Variants in KANK1 observed in about 807,000 individuals in gnomAD.
KANK1 encodes the protein KN motif and ankyrin repeat domains 1.
KANK1 carries 109 observed loss-of-function variants against 106.2 expected under a neutral mutation model. The ratio of observed to expected loss-of-function variants is 1.03; its 90% confidence interval spans 0.88 to 1.20. The LOEUF (loss-of-function observed/expected upper bound fraction) is 1.20, where lower values mean the gene tolerates loss of function less well. KANK1 is among the 50% of genes most tolerant of loss of function. The pLI, the probability that KANK1 is intolerant of heterozygous loss-of-function variation, is 0.00. For synonymous variants in KANK1, 873 were observed against 652.2 expected (o/e 1.34, Z -5.16); for missense variants, 2,399 against 1,710.7 (o/e 1.40, Z -7.10).
intron 1 of KANK1, among the ~76,000 whole-genome samples, chr9:575,474 C>G (rs1052525927): frequency 4.1e-5 from 6 of 145,380 alleles, no homozygotes; most frequent in African/African-American, 1.3e-4. Context: ...TTGAGACCAG[C>G]TTGGGCAACA....
chr9:536,345 A>G (rs763347930), intron 1 of KANK1, among the ~76,000 whole-genome samples: 13 of 152,162 alleles, frequency 8.5e-5, no homozygotes, highest in Non-Finnish European at 1.5e-4. Flanking sequence ...GTCTGAGAAA[A>G]AAAATACACA....
At chr9:698,166 T>C (rs1386529207) in intron 2 of KANK1, among the ~76,000 whole-genome samples, 3 of 152,328 alleles carry the variant, frequency 2.0e-5, no homozygotes, top group Admixed American at 6.5e-5. Flanking sequence ...GGAAACAGCG[T>C]GCTGCCCGCC....
chr9:739,671 G>A (rs1468677565), intron 8 of KANK1, among the ~76,000 whole-genome samples: 1 of 152,178 alleles, frequency 6.6e-6, no homozygotes, highest in East Asian at 1.9e-4. Flanking sequence ...CTCCTGACAG[G>A]AACAGCTTAG....
chr9:659,417 G>A (rs976390410), intron 1 of KANK1, among the ~76,000 whole-genome samples: 9 of 152,174 alleles, frequency 5.9e-5, no homozygotes, highest in Non-Finnish European at 2.9e-5. Flanking sequence ...TCCTGCTTCA[G>A]TAGGTCTGGG....
intron 1 of KANK1, among the ~76,000 whole-genome samples, chr9:617,313 C>CT (rs994814566): frequency 1.3e-5 from 2 of 152,054 alleles, no homozygotes; most frequent in Non-Finnish European, 2.9e-5. Flanking sequence ...CCAGACATGT[C>CT]TTTTGTCTTC....
intron 2 of KANK1, among the ~76,000 whole-genome samples, chr9:690,925 T>C (rs1353988077): frequency 3.3e-5 from 5 of 152,224 alleles, no homozygotes; most frequent in Admixed American, 6.5e-5. Context: ...ACTCTCCGCC[T>C]GTCAGAGGCC....
intron 3 of KANK1, among the ~76,000 whole-genome samples, chr9:721,099 C>A (rs1253978942): frequency 6.6e-6 from 1 of 152,174 alleles, no homozygotes; most frequent in Non-Finnish European, 1.5e-5. Flanking sequence ...ATTACCAAGG[C>A]TTTGACTGGA....
At chr9:593,372 A>G (rs940953587) in intron 1 of KANK1, among the ~76,000 whole-genome samples, 1 of 151,724 alleles carries the variant, frequency 6.6e-6, no homozygotes, top group Non-Finnish European at 1.5e-5. Flanking sequence ...TCCTATTCCT[A>G]ATATAACCAC....
chr9:716,200 A>G (rs143801672), intron 3 of KANK1, among the ~76,000 whole-genome samples: 1,841 of 152,316 alleles, frequency 0.012, 40 homozygotes, highest in African/African-American at 0.041. Flanking sequence ...CTGAAGCTAG[A>G]CAGTGTGGGT....
At chr9:652,048 A>G (rs1325386224) in intron 1 of KANK1, among the ~76,000 whole-genome samples, 1 of 152,212 alleles carries the variant, frequency 6.6e-6, no homozygotes, top group Non-Finnish European at 1.5e-5. Context: ...AATATAAATT[A>G]ATACCTGCTT....
rs776359761 is a variant in KANK1 at position 712,897 on chromosome 9, A to G, written c.2131A>G (p.Thr711Ala). ...TTTGGACAAGCAGACCAGCACCCAG[A>G]CTGTGGAGACGCGGACAGTAGCTGT... ...STLDKQTSTQ[T>A]VETRTVAVGE... Residue 711 changes from threonine (T) to alanine (A), a missense_variant, in exon 3 of 12, where the codon ACT becomes GCT. Transcript: ENST00000382297. The G allele has an allele frequency of 2.5e-6, 4 of 1,614,016 alleles. No individual in the cohort carries two copies. The highest frequency in any genetic ancestry group is 1.3e-5 in the African/African-American group (1 of 74,994).
intron 1 of KANK1, among the ~76,000 whole-genome samples, chr9:575,359 C>T (rs955261460): frequency 1.3e-5 from 2 of 152,182 alleles, no homozygotes; most frequent in African/African-American, 2.4e-5. Context: ...CTTCATGAGA[C>T]TTCTGTTTTA....
intron 1 of KANK1, among the ~76,000 whole-genome samples, chr9:575,907 C>T (rs572393680): frequency 6.6e-6 from 1 of 152,264 alleles, no homozygotes; most frequent in South Asian, 2.1e-4. Context: ...CCTATAATCC[C>T]AGCCACTTGA....
intron 2 of KANK1, among the ~76,000 whole-genome samples, chr9:701,074 A>T (rs1411392362): frequency 1.3e-5 from 2 of 152,054 alleles, no homozygotes; most frequent in Admixed American, 1.3e-4. Flanking sequence ...TGAGCACTTG[A>T]GCGTAGTGTT....
intron 3 of KANK1, among the ~76,000 whole-genome samples, chr9:473,949 C>T (rs922712913): frequency 3.4e-5 from 5 of 148,962 alleles, no homozygotes; most frequent in African/African-American, 1.0e-4. Context: ...CTGCCCACCT[C>T]GGCCTCCCAA....
chr9:744,831 G>A (rs759979204), intron 11 of KANK1: 10 of 1,424,630 alleles, frequency 7.0e-6, no homozygotes, highest in Non-Finnish European at 8.2e-6. Context: ...TTCCCATAGA[G>A]GTTTTGATTC....
intron 1 of KANK1, among the ~76,000 whole-genome samples, chr9:608,378 C>T (rs1693710047): frequency 6.6e-6 from 1 of 151,630 alleles, no homozygotes; most frequent in Admixed American, 6.6e-5. Flanking sequence ...TCTACGTGAC[C>T]ATAGACCAAC....
At chr9:498,567 A>G (rs1187752934) in intron 3 of KANK1, among the ~76,000 whole-genome samples, 3 of 152,248 alleles carry the variant, frequency 2.0e-5, no homozygotes. Context: ...AGATATGAAT[A>G]AAGACTTCTT....
At chr9:579,535 C>T (rs533598249) in intron 1 of KANK1, among the ~76,000 whole-genome samples, 1 of 152,296 alleles carries the variant, frequency 6.6e-6, no homozygotes, top group African/African-American at 2.4e-5. Flanking sequence ...GATCCAGCTC[C>T]ATCTGGAGCC....
Sources: allele counts gnomAD v4.1 joint callset (sites outside exome capture counted in the v4.1 genomes callset), GRCh38; gene constraint gnomAD v4.1.1; transcripts MANE v1.5; gene names NCBI Gene and HGNC (gene_info 2026-07-23, HGNC 2026-07-21).